FRMD8: variants seen among roughly 807,000 people sequenced by gnomAD.
The protein encoded by FRMD8 is FERM domain-containing protein 8.
FRMD8 carries 37 observed loss-of-function variants against 54.2 expected under a neutral mutation model. That is an observed-to-expected ratio of 0.68 (90% CI 0.53 to 0.90). FRMD8 has a LOEUF of 0.90. Ranked by LOEUF, FRMD8 falls within the 40% of genes least tolerant of loss-of-function variation. The pLI, the probability that FRMD8 is intolerant of heterozygous loss-of-function variation, is 0.00. For synonymous variants in FRMD8, 246 were observed against 286.9 expected, an observed-to-expected ratio of 0.86 and a Z score of 1.44; for missense variants, 585 against 653.7, an observed-to-expected ratio of 0.89 and a Z score of 1.15.
intron 7 of FRMD8, among the ~76,000 whole-genome samples, chr11:65,397,713 T>C (rs1376407689): frequency 1.3e-5 from 2 of 151,956 alleles, no homozygotes; most frequent in Non-Finnish European, 2.9e-5. Flanking sequence ...AGGAATTTGG[T>C]TTTTTGTTTT....
Position 65,412,084 on chromosome 11 carries a change from A to C in FRMD8, c.*724A>C, listed in dbSNP as rs1856346703. On this transcript the variant is annotated 3_prime_UTR_variant, in exon 11 of 11. Transcript: ENST00000317568. ...TCCTTTGCAGGCACGAGATACCAGA[A>C]AGAGCATGCCTTTCTGATAGCCTTT... 2.0e-5 allele frequency: 3 copies of C among 152,336 alleles called. No individual in the cohort carries two copies. In the South Asian group the frequency reaches 6.2e-4, roughly 32 times the overall value. 9.4% of individuals were successfully genotyped at this position (152,336 alleles called of 1,614,324 possible). A position where few individuals can be genotyped will look rare whatever the true frequency, so the allele number is the denominator to read the frequency against.
intron 3 of FRMD8, among the ~76,000 whole-genome samples, chr11:65,390,872 C>T (rs954488936): frequency 2.0e-5 from 3 of 152,290 alleles, no homozygotes; most frequent in Non-Finnish European, 2.9e-5. Context: ...GGCCGGAGGC[C>T]GTGAATGGGC....
intron 5 of FRMD8, 77 bp downstream of exon 5, chr11:65,394,176 T>C: frequency 6.2e-7 from 1 of 1,600,508 alleles, no homozygotes; most frequent in Non-Finnish European, 8.5e-7. Context: ...CCCCTGGACA[T>C]TCGCACCTTG....
the FRMD8 span, among the ~76,000 whole-genome samples, chr11:65,371,936 G>C: frequency 6.6e-6 from 1 of 151,134 alleles, no homozygotes; most frequent in Non-Finnish European, 1.5e-5. Context: ...TTTTGAGATA[G>C]AGTCTCTCTC....
At chr11:65,405,127 G>A in intron 10 of FRMD8, 59 bp downstream of exon 10, 1 of 1,533,506 alleles carries the variant, frequency 6.5e-7, no homozygotes, top group Non-Finnish European at 9.0e-7. Context: ...CACACACCGG[G>A]GGGAGTTCCT....
At chr11:65,376,670 C>T in the FRMD8 span, 23 of 1,614,078 alleles carry the variant, frequency 1.4e-5, no homozygotes, top group Non-Finnish European at 1.8e-5. Flanking sequence ...AGCACCGTGG[C>T]TGAGCCTGGG....
upstream of FRMD8, chr11:65,383,401 G>A (rs903696224): frequency 2.0e-5 from 3 of 152,422 alleles, no homozygotes; most frequent in Non-Finnish European, 1.5e-5. Context: ...CTGGCCTCTC[G>A]TGGTGGCTTG....
At chr11:65,373,268 T>A in the FRMD8 span, among the ~76,000 whole-genome samples, 23 of 152,202 alleles carry the variant, frequency 1.5e-4, no homozygotes, top group South Asian at 4.8e-3. Context: ...CAGAGGAAAC[T>A]GAGGCACAGG....
upstream of FRMD8, chr11:65,383,391 C>T (rs1855663812): frequency 6.6e-6 from 1 of 152,466 alleles, no homozygotes; most frequent in Admixed American, 6.5e-5. Flanking sequence ...TCCCCAAAGA[C>T]TGGCCTCTCG....
the FRMD8 span, chr11:65,379,065 C>T: frequency 2.7e-6 from 1 of 373,638 alleles, no homozygotes; most frequent in Non-Finnish European, 4.9e-6. Flanking sequence ...GGAGTGGGCT[C>T]CCCACAGCTC....
At chr11:65,376,103 C>A in the FRMD8 span, 1 of 402,548 alleles carries the variant, frequency 2.5e-6, no homozygotes, top group East Asian at 4.2e-5. Flanking sequence ...GAGGTGAAGG[C>A]ACAGGACAGG....
At chr11:65,381,516 C>T in the FRMD8 span, 4 of 197,754 alleles carry the variant, frequency 2.0e-5, no homozygotes, top group South Asian at 1.5e-4. Context: ...ACCTCAGCCT[C>T]GCAAAGTGCT....
the FRMD8 span, chr11:65,379,469 C>A: frequency 6.2e-7 from 1 of 1,614,108 alleles, no homozygotes; most frequent in Non-Finnish European, 8.5e-7. Context: ...CCGTGAGCAC[C>A]AGCAGGGTGT....
At chr11:65,375,834 G>A in the FRMD8 span, 24 of 153,698 alleles carry the variant, frequency 1.6e-4, no homozygotes, top group Non-Finnish European at 2.9e-4. Context: ...AGGCCGACGC[G>A]GGCGGATCAC....
chr11:65,399,990 G>T, intron 8 of FRMD8, 131 bp downstream of exon 8: 1 of 1,096,596 alleles, frequency 9.1e-7, no homozygotes, highest in South Asian at 1.6e-5. Context: ...CCCTGCCTCC[G>T]TTGGATGTCC....
intron 6 of FRMD8, among the ~76,000 whole-genome samples, chr11:65,396,144 C>T (rs972935789): frequency 4.6e-5 from 7 of 152,292 alleles, no homozygotes; most frequent in African/African-American, 1.4e-4. Flanking sequence ...CTATGAGTTT[C>T]CTGGGTGGAC....
At position 65,396,981 on chromosome 11, in the gene FRMD8, G is replaced by A. The variant is rs761939885; in HGVS notation, c.764G>A (p.Arg255His). ...GCEAALGTHY[R>H]AYLLKCHELP... The stretch of plus-strand genomic sequence containing the variant: ...GAGGCCGCCCTGGGCACCCACTACC[G>A]CGCCTATCTCCTCAAGTGCCACGAG... Residue 255 changes from arginine to histidine, a missense_variant, in exon 7 of 11, where the codon CGC (arginine) becomes CAC (histidine). Arg to His is a conservative substitution (Grantham distance 29). Transcript: ENST00000317568. 1.9e-5 allele frequency: 28 copies of A among 1,487,084 alleles called. No homozygotes were observed. Among genetic ancestry groups the A allele is most frequent in the East Asian group, 5.3e-5 (2 of 37,442 alleles). The allele number at this position is 1,487,084 out of a possible 1,614,324, so 92.1% of individuals were successfully genotyped here.
intron 10 of FRMD8, among the ~76,000 whole-genome samples, 168 bp from the exon 11 acceptor site, chr11:65,411,074 G>A (rs1035316619): frequency 2.6e-5 from 4 of 152,208 alleles, no homozygotes; most frequent in Non-Finnish European, 5.9e-5. Context: ...GCTGCTTGGG[G>A]TATACTGTAG....
intron 6 of FRMD8, 83 bp from the exon 7 acceptor site, chr11:65,396,716 A>C (rs926444355): frequency 1.2e-6 from 1 of 864,348 alleles, no homozygotes. Flanking sequence ...TGCTTCCTCC[A>C]GGCAGCCTTG....
Sources: gnomAD v4.1 joint callset for allele counts (sites outside exome capture counted in the v4.1 genomes callset) on GRCh38, gnomAD v4.1.1 for gene constraint, MANE v1.5 for transcripts, NCBI Gene and HGNC (gene_info 2026-07-23, HGNC 2026-07-21) for gene names.